The following CNTN1 variants were observed in gnomAD, a reference collection of about 807,000 sequenced individuals.
The protein encoded by CNTN1 is contactin 1, also known as contactin-1.
CNTN1 carries 38 observed loss-of-function variants against 126.4 expected under a neutral mutation model. That is an observed-to-expected ratio of 0.30 (90% confidence interval 0.23 to 0.39). CNTN1 has a LOEUF of 0.39. Ranked by LOEUF, CNTN1 falls within the 10% of genes least tolerant of loss-of-function variation. CNTN1 has a pLI of 1.00. For missense variants in CNTN1, 1,009 were observed against 1,248.4 expected (o/e 0.81, Z 2.89); for synonymous variants, 413 against 422.6 (o/e 0.98, Z 0.28).
chr12:40,794,844 G>C (rs1488312752), intron 1 of CNTN1, among the ~76,000 whole-genome samples: 1 of 152,038 alleles, frequency 6.6e-6, no homozygotes, highest in Non-Finnish European at 1.5e-5. Flanking sequence ...TAAGATTTGA[G>C]TGGAATCATG....
chr12:40,823,521 A>G (rs1941514918), intron 1 of CNTN1, among the ~76,000 whole-genome samples: 1 of 152,214 alleles, frequency 6.6e-6, no homozygotes, highest in African/African-American at 2.4e-5. Context: ...ACATTTTTCC[A>G]GGCTTACTGT....
Position 40,925,570 on chromosome 12 carries a change from C to CAT in CNTN1, c.496+918_496+919insAT, listed in dbSNP as rs1565961489. 6.5e-5 allele frequency among the ~76,000 whole-genome samples: 8 copies of CAT among 122,458 alleles called. No homozygotes were observed. In the East Asian group the frequency reaches 1.9e-3, roughly 29 times the overall value. The allele number at this position is 122,458 out of a possible 152,430, so 80.3% of individuals were successfully genotyped here. ...GTGTATATATATACACGTATATATA[C>CAT]GTATATACGTATATATACATGTATA... is the stretch of plus-strand genomic sequence containing the variant. On this transcript the variant is annotated intron_variant, in intron 6 of 23. Coordinates refer to ENST00000551295, the MANE Select transcript of CNTN1 (RefSeq NM_001843.4).
intron 1 of CNTN1, among the ~76,000 whole-genome samples, chr12:40,826,601 A>C (rs1414622628): frequency 6.6e-6 from 1 of 152,212 alleles, no homozygotes; most frequent in Non-Finnish European, 1.5e-5. Flanking sequence ...CTTCACATGC[A>C]CTTCAACATC....
chr12:40,953,127 G>A (rs1315220834), intron 14 of CNTN1, among the ~76,000 whole-genome samples: 2 of 152,160 alleles, frequency 1.3e-5, no homozygotes, highest in Non-Finnish European at 2.9e-5. Flanking sequence ...ACGGGGGAAG[G>A]TGAAGGAAGG....
chr12:41,020,170 A>G (rs1948875587), intron 19 of CNTN1, among the ~76,000 whole-genome samples, 167 bp from the exon 20 acceptor site: 1 of 152,158 alleles, frequency 6.6e-6, no homozygotes, highest in African/African-American at 2.4e-5. Flanking sequence ...AGAAAAATAC[A>G]GGAAGAGGTA....
At chr12:40,772,838 C>T (rs978565413) in intron 1 of CNTN1, among the ~76,000 whole-genome samples, 1 of 151,780 alleles carries the variant, frequency 6.6e-6, no homozygotes, top group African/African-American at 2.4e-5. Context: ...AGCATGGGGA[C>T]AGTGAGACTA....
At chr12:40,760,856 C>CACA (rs71078266) in intron 1 of CNTN1, among the ~76,000 whole-genome samples, 1 of 151,408 alleles carries the variant, frequency 6.6e-6, no homozygotes, top group African/African-American at 2.4e-5. Context: ...CACACACACA[C>CACA]TTCCACTTTG....
intron 14 of CNTN1, among the ~76,000 whole-genome samples, chr12:40,958,164 G>C (rs1186652265): frequency 6.6e-6 from 1 of 151,926 alleles, no homozygotes; most frequent in African/African-American, 2.4e-5. Context: ...TACCATACAA[G>C]CTGAGTGACC....
chr12:40,910,848 C>T (rs893844578), intron 3 of CNTN1, among the ~76,000 whole-genome samples: 7 of 151,922 alleles, frequency 4.6e-5, no homozygotes, highest in East Asian at 1.9e-4. Context: ...TAGTAACTTA[C>T]AAAAGCCATT....
intron 23 of CNTN1, among the ~76,000 whole-genome samples, chr12:41,056,959 T>C (rs1392170249): frequency 9.5e-6 from 1 of 105,404 alleles, no homozygotes; most frequent in South Asian, 3.0e-4. Context: ...TTTAGATATT[T>C]ATAAATATTA....
At position 40,936,821 on chromosome 12, in the gene CNTN1, G is replaced by A. The variant is rs1233996162; in HGVS notation, c.1026G>A (p.Val342=). 1.9e-6 allele frequency: 3 copies of A among 1,613,310 alleles called. No individual in the cohort carries two copies. The highest frequency in any genetic ancestry group is 2.2e-5 in the East Asian group (1 of 44,866). The change falls in exon 10 of 24, where the codon GTG becomes GTA. Residue 342 remains valine (V), a synonymous_variant. Coordinates refer to ENST00000551295, the MANE Select transcript of CNTN1 (RefSeq NM_001843.4). ...TAGAACACATCAATGACACAGAGGT[G>A]GACATAGGCAGTGATCTCTACTGGC... ...EWVEHINDTE[V]DIGSDLYWPC...
intron 15 of CNTN1, among the ~76,000 whole-genome samples, chr12:40,964,851 C>A (rs969003456): frequency 6.6e-6 from 1 of 152,006 alleles, no homozygotes; most frequent in Admixed American, 6.6e-5. Context: ...TTTTAAAGTA[C>A]TATAATAGTT....
chr12:40,963,969 G>C lies in CNTN1; in HGVS notation c.1804+4735G>C, dbSNP rs546491019. Among the ~76,000 whole-genome samples the C allele has an allele frequency of 5.9e-5, 9 of 152,200 alleles. No individual in the cohort carries two copies. In the South Asian group the frequency reaches 1.7e-3, roughly 28 times the overall value. On this transcript the variant is annotated intron_variant, in intron 15 of 23. Transcript: ENST00000551295. ...GCCAAATCTAAATTCTCATTCATGA[G>C]TGCACCTTTGGACAACATTCAAAAA...
At chr12:40,942,861 T>G (rs11179136) in intron 12 of CNTN1, among the ~76,000 whole-genome samples, 17,902 of 152,158 alleles carry the variant, frequency 0.12, 1,099 homozygotes, top group Non-Finnish European at 0.12. Flanking sequence ...GTAAGGTAGA[T>G]AGTTTTGCTT....
chr12:41,055,921 ATCT>A (rs1219056567), intron 23 of CNTN1, among the ~76,000 whole-genome samples: 1 of 152,116 alleles, frequency 6.6e-6, no homozygotes, highest in African/African-American at 2.4e-5. Flanking sequence ...CAGTACCTAG[ATCT>A]TCTTTTGAGT....
At chr12:40,971,629 AGAGTAT>A (rs1592344608) in intron 15 of CNTN1, 2 of 1,491,784 alleles carry the variant, frequency 1.3e-6, no homozygotes, top group East Asian at 5.0e-5. Flanking sequence ...CCTAGTTCTT[AGAGTAT>A]GTTTCCCCTT....
At chr12:40,933,318 C>T (rs946081982) in intron 7 of CNTN1, 143 bp from the exon 8 acceptor site, 4 of 670,916 alleles carry the variant, frequency 6.0e-6, no homozygotes, top group Non-Finnish European at 1.1e-5. Context: ...ACAAACAAGT[C>T]TATCCATTAT....
At chr12:40,876,088 G>A (rs1350392144) in intron 1 of CNTN1, among the ~76,000 whole-genome samples, 3 of 150,282 alleles carry the variant, frequency 2.0e-5, no homozygotes, top group African/African-American at 2.4e-5. Context: ...TAAGAAATTG[G>A]AGATCACAAA....
In CNTN1 at chr12:40,847,209, T is replaced by G. The variant is rs559761686; in HGVS notation, c.-76-61148T>G. ...TGGCTACTTCTGCTTCCTTTTTGTTTTCTAATCTTAAGCAATCTTTAAAGG... is the reference window on the plus strand; with the variant it reads ...TGGCTACTTCTGCTTCCTTTTTGTTGTCTAATCTTAAGCAATCTTTAAAGG... On this transcript the variant is annotated intron_variant, in intron 1 of 23. Coordinates refer to ENST00000551295, the MANE Select transcript of CNTN1 (RefSeq NM_001843.4). 2.6e-5 allele frequency among the ~76,000 whole-genome samples: 4 copies of G among 152,240 alleles called. No individual in the cohort carries two copies. In the South Asian group the frequency reaches 8.3e-4, roughly 32 times the overall value.
Sources: allele counts gnomAD v4.1 joint callset (sites outside exome capture counted in the v4.1 genomes callset), GRCh38; gene constraint gnomAD v4.1.1; transcripts MANE v1.5; gene names NCBI Gene and HGNC (gene_info 2026-07-23, HGNC 2026-07-21).